Variants in GRID1 observed in about 807,000 individuals in gnomAD.
GRID1 encodes glutamate receptor ionotropic, delta-1.
Under a neutral mutation model 98.0 loss-of-function variants are expected in GRID1, and 28 were observed. That is an observed-to-expected ratio of 0.29 (90% confidence interval 0.21 to 0.39). The LOEUF (loss-of-function observed/expected upper bound fraction) is 0.39. Ranked by LOEUF, GRID1 falls within the 10% of genes least tolerant of loss-of-function variation. The probability of loss-of-function intolerance (pLI) is 1.00; values close to 1 mark genes in which losing one functional copy is unlikely to be tolerated. For missense variants in GRID1, 1,111 were observed against 1,340.5 expected (o/e 0.83, Z 2.67); for synonymous variants, 553 against 538.5 (o/e 1.03, Z -0.37).
intron 8 of GRID1, among the ~76,000 whole-genome samples, chr10:85,812,604 C>T (rs1472254503): frequency 6.6e-6 from 1 of 151,856 alleles, no homozygotes; most frequent in East Asian, 1.9e-4. Context: ...ACAGCCCAGC[C>T]CTTCTGCTAG....
chr10:86,088,266 G>A (rs1023270849), intron 4 of GRID1, among the ~76,000 whole-genome samples: 1 of 151,982 alleles, frequency 6.6e-6, no homozygotes, highest in African/African-American at 2.4e-5. Flanking sequence ...GACAACAATG[G>A]GATAAAAGGT....
Position 85,739,191 on chromosome 10 carries a change from T to C in GRID1, c.1234-9577A>G, listed in dbSNP as rs368120218. 3.9e-5 allele frequency among the ~76,000 whole-genome samples: 6 copies of C among 152,274 alleles called. No individual in the cohort carries two copies. The East Asian group carries it at 5.8e-4, about 15-fold the overall frequency. ...ACACATACAATGATTTGTTAAATGATGGGCCATGTGCTGAGGAGGTAGGTA... is the reference window on the plus strand; with the variant it reads ...ACACATACAATGATTTGTTAAATGACGGGCCATGTGCTGAGGAGGTAGGTA... On this transcript the variant is annotated intron_variant, in intron 8 of 15. Transcript: ENST00000327946.
intron 12 of GRID1, among the ~76,000 whole-genome samples, chr10:85,665,772 C>A (rs781179635): frequency 1.3e-5 from 2 of 152,154 alleles, no homozygotes; most frequent in Non-Finnish European, 2.9e-5. Context: ...ACCCCTGCAA[C>A]CTAATTTTGT....
At chr10:86,328,403 A>C (rs1848083902) in intron 2 of GRID1, among the ~76,000 whole-genome samples, 1 of 152,228 alleles carries the variant, frequency 6.6e-6, no homozygotes, top group African/African-American at 2.4e-5. Context: ...TAAAAGTGTT[A>C]AAGTTGAAGG....
At chr10:85,662,266 A>G (rs1267484773) in intron 12 of GRID1, among the ~76,000 whole-genome samples, 1 of 152,230 alleles carries the variant, frequency 6.6e-6, no homozygotes, top group Non-Finnish European at 1.5e-5. Flanking sequence ...GTCAACAAAC[A>G]GGGATACCTA....
At chr10:86,040,298 G>T (rs867202246) in intron 4 of GRID1, among the ~76,000 whole-genome samples, 4 of 152,058 alleles carry the variant, frequency 2.6e-5, no homozygotes, top group African/African-American at 9.7e-5. Context: ...GCACTCCCAC[G>T]TTTATTGCAG....
intron 15 of GRID1, chr10:85,606,113 A>G (rs1842658329): frequency 2.0e-5 from 3 of 152,212 alleles, no homozygotes. Context: ...CTGCCAGTCT[A>G]TTATTTCTGA....
intron 8 of GRID1, among the ~76,000 whole-genome samples, chr10:85,835,661 C>A (rs1162294595): frequency 6.6e-6 from 1 of 152,156 alleles, no homozygotes; most frequent in Non-Finnish European, 1.5e-5. Context: ...TGAGAACAGA[C>A]TAATACAACA....
At chr10:86,247,397 T>G (rs978040907) in intron 2 of GRID1, among the ~76,000 whole-genome samples, 1 of 151,916 alleles carries the variant, frequency 6.6e-6, no homozygotes, top group Non-Finnish European at 1.5e-5. Context: ...GATGGATGAA[T>G]GGATGGATGG....
At chr10:86,078,917 C>T (rs1196270015) in intron 4 of GRID1, among the ~76,000 whole-genome samples, 5 of 152,234 alleles carry the variant, frequency 3.3e-5, no homozygotes, top group Non-Finnish European at 4.4e-5. Flanking sequence ...CTCCCTGGAC[C>T]CAGCTCTATG....
intron 14 of GRID1, among the ~76,000 whole-genome samples, chr10:85,616,562 T>A (rs1269150384): frequency 6.6e-6 from 1 of 152,214 alleles, no homozygotes; most frequent in African/African-American, 2.4e-5. Context: ...TATAATTGTA[T>A]GCATTTTTTA....
At position 85,739,670 on chromosome 10, in the gene GRID1, C is replaced by G. The variant is rs537651014; in HGVS notation, c.1234-10056G>C. Among the ~76,000 whole-genome samples the G allele has an allele frequency of 2.8e-3, 422 of 152,168 alleles. 1 individual carries two copies. The highest frequency in any genetic ancestry group is 3.9e-3 in the Non-Finnish European group (265 of 67,990). ...GTGACTGTGCTTTAATTACATGGAGCTAGATGGTATCAAGTGGCCAAAAAA... is the reference window on the plus strand; with the variant it reads ...GTGACTGTGCTTTAATTACATGGAGGTAGATGGTATCAAGTGGCCAAAAAA... On this transcript the variant is annotated intron_variant, in intron 8 of 15. Transcript: ENST00000327946.
intron 12 of GRID1, among the ~76,000 whole-genome samples, chr10:85,656,628 C>G (rs1331108206): frequency 6.6e-6 from 1 of 152,208 alleles, no homozygotes; most frequent in African/African-American, 2.4e-5. Context: ...TCTCCCATGT[C>G]AATCAAACAC....
intron 15 of GRID1, chr10:85,607,079 T>C (rs1842676609): frequency 6.6e-6 from 1 of 152,218 alleles, no homozygotes; most frequent in South Asian, 2.1e-4. Context: ...TCTCATCCCA[T>C]ATTAAACATG....
chr10:86,330,220 T>C (rs1848119666), intron 2 of GRID1, among the ~76,000 whole-genome samples: 1 of 151,884 alleles, frequency 6.6e-6, no homozygotes, highest in African/African-American at 2.4e-5. Context: ...ATCTCGGGGG[T>C]GGTTCACACC....
At chr10:85,945,267 T>C (rs1842041512) in intron 4 of GRID1, among the ~76,000 whole-genome samples, 1 of 152,256 alleles carries the variant, frequency 6.6e-6, no homozygotes, top group South Asian at 2.1e-4. Context: ...CTGTGATTAA[T>C]AGTACAAAAT....
intron 4 of GRID1, among the ~76,000 whole-genome samples, chr10:86,048,799 T>C (rs797007077): frequency 1.3e-5 from 2 of 152,356 alleles, no homozygotes; most frequent in African/African-American, 4.8e-5. Flanking sequence ...GTAATAATAA[T>C]AACATTATGG....
At chr10:85,979,825 C>G (rs2131860475) in intron 4 of GRID1, among the ~76,000 whole-genome samples, 1 of 152,318 alleles carries the variant, frequency 6.6e-6, no homozygotes, top group South Asian at 2.1e-4. Context: ...GCCAGGAGGA[C>G]AGGCAAAGAA....
At chr10:86,272,508 C>T (rs1299306408) in intron 2 of GRID1, among the ~76,000 whole-genome samples, 3 of 152,176 alleles carry the variant, frequency 2.0e-5, no homozygotes, top group Non-Finnish European at 4.4e-5. Context: ...CTAGAGGGAG[C>T]AGAGCAGATA....
Sources: gnomAD v4.1 joint callset for allele counts (sites outside exome capture counted in the v4.1 genomes callset) on GRCh38, gnomAD v4.1.1 for gene constraint, MANE v1.5 for transcripts, NCBI Gene and HGNC (gene_info 2026-07-23, HGNC 2026-07-21) for gene names.